Variants in DNAJC3 observed in about 807,000 individuals in gnomAD.
DNAJC3 encodes the protein dnaJ homolog subfamily C member 3.
DNAJC3 carries 38 observed loss-of-function variants against 68.6 expected under a neutral mutation model. The ratio of observed to expected loss-of-function variants is 0.55; its 90% confidence interval spans 0.43 to 0.73. The LOEUF (loss-of-function observed/expected upper bound fraction) is 0.73, where lower values mean the gene tolerates loss of function less well. Ranked by LOEUF, DNAJC3 falls within the 30% of genes least tolerant of loss-of-function variation. The pLI, the probability that DNAJC3 is intolerant of heterozygous loss-of-function variation, is 0.00. For missense variants in DNAJC3, 526 were observed against 591.9 expected (o/e 0.89, Z 1.16); for synonymous variants, 203 against 204.0 (o/e 1.00, Z 0.04).
intron 1 of DNAJC3, among the ~76,000 whole-genome samples, chr13:95,678,287 C>T (rs1009242575): frequency 2.0e-5 from 3 of 152,038 alleles, no homozygotes; most frequent in Non-Finnish European, 4.4e-5. Context: ...TCAAATTAAA[C>T]CTTTGAGTAT....
intron 9 of DNAJC3, among the ~76,000 whole-genome samples, chr13:95,773,562 A>G (rs778372904): frequency 6.6e-6 from 1 of 151,944 alleles, no homozygotes; most frequent in African/African-American, 2.4e-5. Context: ...GAATGTTTCT[A>G]TTTCTTGACA....
chr13:95,755,237 G>A (rs1334447954), intron 4 of DNAJC3, among the ~76,000 whole-genome samples: 2 of 152,048 alleles, frequency 1.3e-5, no homozygotes, highest in Non-Finnish European at 1.5e-5. Context: ...CCTGAGGCCC[G>A]GAGTTGGAGA....
At chr13:95,707,501 T>C (rs1880793380) in intron 1 of DNAJC3, among the ~76,000 whole-genome samples, 1 of 152,192 alleles carries the variant, frequency 6.6e-6, no homozygotes, top group East Asian at 1.9e-4. Context: ...TGTGGATTAC[T>C]AGCATTTCAT....
intron 4 of DNAJC3, among the ~76,000 whole-genome samples, chr13:95,756,366 T>C (rs946979025): frequency 6.6e-6 from 1 of 151,922 alleles, no homozygotes; most frequent in Non-Finnish European, 1.5e-5. Context: ...TCCCCCAGAG[T>C]GAGTGGAGGT....
intron 1 of DNAJC3, among the ~76,000 whole-genome samples, chr13:95,688,542 G>GTGTT (rs1285147225): frequency 6.6e-6 from 1 of 150,548 alleles, no homozygotes; most frequent in Non-Finnish European, 1.5e-5. Flanking sequence ...TTGAGACAGA[G>GTGTT]TGTTACATTG....
intron 4 of DNAJC3, among the ~76,000 whole-genome samples, chr13:95,737,631 G>A (rs1218983315): frequency 6.6e-6 from 1 of 151,962 alleles, no homozygotes; most frequent in African/African-American, 2.4e-5. Context: ...AGTATTCTCT[G>A]ATGGTAGTTT....
chr13:95,786,983 A>T, intron 10 of DNAJC3, 24 bp from the exon 11 acceptor site: 2 of 1,591,662 alleles, frequency 1.3e-6, no homozygotes, highest in South Asian at 2.3e-5. Flanking sequence ...TCCACTAATG[A>T]TTATTTATTT....
intron 4 of DNAJC3, among the ~76,000 whole-genome samples, chr13:95,730,447 AC>A (rs1200229999): frequency 6.6e-6 from 1 of 152,180 alleles, no homozygotes; most frequent in Non-Finnish European, 1.5e-5. Context: ...TTTAGGTCTT[AC>A]GTTTAAGTCT....
intron 4 of DNAJC3, among the ~76,000 whole-genome samples, chr13:95,745,956 A>T (rs748508321): frequency 3.9e-5 from 6 of 152,180 alleles, no homozygotes; most frequent in Non-Finnish European, 7.4e-5. Flanking sequence ...GTTTGCATGG[A>T]TTATTCCACC....
At chr13:95,734,861 C>A (rs1457720914) in intron 4 of DNAJC3, among the ~76,000 whole-genome samples, 2 of 148,466 alleles carry the variant, frequency 1.3e-5, no homozygotes, top group African/African-American at 5.0e-5. Context: ...GATACATGTG[C>A]ACATTGTGCA....
intron 4 of DNAJC3, among the ~76,000 whole-genome samples, chr13:95,732,233 A>G (rs1026708027): frequency 1.5e-4 from 23 of 152,140 alleles, no homozygotes; most frequent in African/African-American, 5.1e-4. Context: ...AGTTTTTGTA[A>G]TAATTTGAGG....
At chr13:95,710,524 T>G (rs1880922641) in intron 2 of DNAJC3, among the ~76,000 whole-genome samples, 1 of 152,158 alleles carries the variant, frequency 6.6e-6, no homozygotes, top group Non-Finnish European at 1.5e-5. Flanking sequence ...AGCCACCACA[T>G]CTGGCATGGA....
chr13:95,760,359 A>G, intron 6 of DNAJC3, 138 bp downstream of exon 6: 1 of 846,498 alleles, frequency 1.2e-6, no homozygotes, highest in Non-Finnish European at 1.7e-6. Context: ...ATCCATTTAT[A>G]TATTTTGTGT....
chr13:95,682,673 C>G (rs1879951347), intron 1 of DNAJC3, among the ~76,000 whole-genome samples: 1 of 152,094 alleles, frequency 6.6e-6, no homozygotes. Context: ...GTTTGGTTGT[C>G]TTACCTCTCT....
chr13:95,749,447 AAGATGCCAGC>A (rs200633411), intron 4 of DNAJC3, among the ~76,000 whole-genome samples: 2,797 of 152,268 alleles, frequency 0.018, 120 homozygotes, highest in Admixed American at 0.1. Context: ...GTGAGCCTAA[AAGATGCCAGC>A]AGTAAAATGG....
intron 4 of DNAJC3, among the ~76,000 whole-genome samples, chr13:95,733,057 C>T (rs1168705579): frequency 6.6e-6 from 1 of 152,086 alleles, no homozygotes; most frequent in Admixed American, 6.6e-5. Context: ...GCCTAATATA[C>T]GTCTGTCCTT....
chr13:95,719,038 G>A (rs1324129998), intron 2 of DNAJC3, among the ~76,000 whole-genome samples: 1 of 152,224 alleles, frequency 6.6e-6, no homozygotes, highest in Non-Finnish European at 1.5e-5. Context: ...CTGACTGGCT[G>A]TAAATGAGGA....
At chr13:95,720,130 G>A (rs1335692382) in intron 2 of DNAJC3, among the ~76,000 whole-genome samples, 2 of 152,100 alleles carry the variant, frequency 1.3e-5, no homozygotes, top group African/African-American at 2.4e-5. Context: ...GGTGCAGTAA[G>A]GGATATGTAT....
At chr13:95,722,662 C>A (rs1020312177) in intron 2 of DNAJC3, among the ~76,000 whole-genome samples, 1 of 151,128 alleles carries the variant, frequency 6.6e-6, no homozygotes. Flanking sequence ...CCTGTTGTCT[C>A]AGCTTCTCAG....
Sources: gnomAD v4.1 joint callset for allele counts (sites outside exome capture counted in the v4.1 genomes callset) on GRCh38, gnomAD v4.1.1 for gene constraint, MANE v1.5 for transcripts, NCBI Gene and HGNC (gene_info 2026-07-23, HGNC 2026-07-21) for gene names.